COL5A3: variants seen among roughly 807,000 people sequenced by gnomAD.
COL5A3 encodes collagen alpha-3(V) chain.
Under a neutral mutation model 250.0 loss-of-function variants are expected in COL5A3, and 172 were observed. The observed-to-expected ratio is 0.69, with a 90% CI of 0.61 to 0.78. The LOEUF is 0.78. COL5A3 is among the 30% of genes least tolerant of loss of function. The pLI is 0.00. For synonymous variants in COL5A3, 937 were observed against 900.4 expected (o/e 1.04, Z -0.73); for missense variants, 2,340 against 2,334.4 (o/e 1.00, Z -0.05).
chr19:9,975,880 G>A (rs539090677), intron 45 of COL5A3, among the ~76,000 whole-genome samples: 20 of 151,428 alleles, frequency 1.3e-4, no homozygotes, highest in African/African-American at 3.6e-4. Flanking sequence ...CGGTATTGAG[G>A]GAAATACATG....
At chr19:9,961,758 C>T (rs1001372520) in intron 65 of COL5A3, among the ~76,000 whole-genome samples, 8 of 152,024 alleles carry the variant, frequency 5.3e-5, no homozygotes, top group Non-Finnish European at 1.0e-4. Context: ...CGGGGTTTCA[C>T]CATGTTAGCC....
chr19:9,980,060 C>T lies in COL5A3; in HGVS notation c.2605-13G>A, dbSNP rs778256288. The T allele has an allele frequency of 6.3e-6, 10 of 1,594,960 alleles. No homozygotes were observed. In the South Asian group the frequency reaches 1.1e-4, roughly 18 times the overall value. The stretch of plus-strand genomic sequence containing the variant: ...GACCAGGGAGGCCCTGAAATGGAAA[C>T]AGAAATCATGATCTCATCCCCCCTG... On this transcript the variant is annotated splice_polypyrimidine_tract_variant and intron_variant, in intron 35 of 66. Coordinates refer to ENST00000264828, the MANE Select transcript of COL5A3 (RefSeq NM_015719.4).
intron 41 of COL5A3, among the ~76,000 whole-genome samples, chr19:9,977,942 CTATACATATATATATA>C (rs1471800701): frequency 1.1e-5 from 1 of 89,700 alleles, no homozygotes; most frequent in African/African-American, 4.0e-5. Flanking sequence ...TCCTGGCAGC[CTATACATATATATATA>C]TATATATATA....
Position 9,968,063 on chromosome 19 carries a change from A to T in COL5A3, c.4331T>A (p.Ile1444Asn). The change falls in exon 60 of 67, where the codon ATT becomes AAT. Residue 1444 changes from isoleucine to asparagine, a missense_variant. Physicochemically the swap from Ile to Asn is moderately radical, Grantham distance 149. Coordinates refer to ENST00000264828, the MANE Select transcript of COL5A3 (RefSeq NM_015719.4). The surrounding 1 kb of genome is among the most constrained non-coding windows in gnomAD (Gnocchi z 4.1). ...GGGCCCAGGGTGGCCCAGAGAGCCA[A>T]TGGGACCAGGGGGACCCTAGGAAAA... is the stretch of plus-strand genomic sequence containing the variant. Reference protein sequence around the residue: ...PKGDPGPPGPIGSLGHPGPPG... With the variant: ...PKGDPGPPGPNGSLGHPGPPG... 6.3e-7 allele frequency: 1 copy of T among 1,590,646 alleles called. No homozygotes were observed. Among genetic ancestry groups the T allele is most frequent in the South Asian group, 1.2e-5 (1 of 86,766 alleles).
chr19:9,969,942 G>GT lies in COL5A3; in HGVS notation c.3937-21_3937-20insA. The GT allele has an allele frequency of 6.4e-7, 1 of 1,559,178 alleles. No individual in the cohort carries two copies. Among genetic ancestry groups the GT allele is most frequent in the Non-Finnish European group, 8.6e-7 (1 of 1,156,766 alleles). On this transcript the variant is annotated intron_variant, in intron 54 of 66. Transcript: ENST00000264828. ...AGGACCCTTGGAAGGGAAAGACAGT[G>GT]AGGGGGGTCTAGGGGCTGACTGAGG...
Position 9,968,505 on chromosome 19 carries a change from A to G in COL5A3, c.4207-13T>C, listed in dbSNP as rs1423626958. 5 of 1,582,100 alleles carry G rather than the reference A, an allele frequency of 3.2e-6. No individual in the cohort carries two copies. In the Admixed American group the frequency reaches 6.0e-5, roughly 19 times the overall value. ...ATCCAATGTGGCCCTGAAGGACAAA[A>G]GAGGCACAGACAGGGGAGGACGTGG... On this transcript the variant is annotated splice_polypyrimidine_tract_variant and intron_variant, in intron 58 of 66. Coordinates refer to ENST00000264828, the MANE Select transcript of COL5A3 (RefSeq NM_015719.4). This position sits in a 1 kb window ranked among gnomAD's most constrained non-coding sequence, Gnocchi z 4.1.
At chr19:9,987,031 CT>C (rs1228211375) in intron 27 of COL5A3, among the ~76,000 whole-genome samples, 1 of 152,164 alleles carries the variant, frequency 6.6e-6, no homozygotes, top group Non-Finnish European at 1.5e-5. Context: ...ACAGTTCCTT[CT>C]GGCAGGAGAA....
At chr19:9,965,082 T>A (rs553423332) in intron 64 of COL5A3, among the ~76,000 whole-genome samples, 2 of 151,476 alleles carry the variant, frequency 1.3e-5, no homozygotes, top group African/African-American at 4.8e-5. Flanking sequence ...TTCACTGATA[T>A]TTGTTTTTGC....
chr19:9,967,502 C>G, intron 61 of COL5A3, 102 bp from the exon 62 acceptor site: 1 of 766,620 alleles, frequency 1.3e-6, no homozygotes, highest in Non-Finnish European at 2.1e-6. Flanking sequence ...CACTCACACA[C>G]ACACAGTCTC....
intron 31 of COL5A3, among the ~76,000 whole-genome samples, chr19:9,984,701 C>T (rs756904709): frequency 7.2e-5 from 11 of 151,946 alleles, no homozygotes; most frequent in African/African-American, 1.9e-4. Flanking sequence ...TCTGTTTCAC[C>T]GCAGAGAAAA....
At chr19:10,007,075 T>A (rs9797907) in intron 1 of COL5A3, among the ~76,000 whole-genome samples, 8 of 134,292 alleles carry the variant, frequency 6.0e-5, no homozygotes, top group East Asian at 4.6e-4. Flanking sequence ...GACCTCTTCC[T>A]TCTGACTTTC....
intron 31 of COL5A3, among the ~76,000 whole-genome samples, chr19:9,985,281 A>G (rs2145105785): frequency 8.4e-6 from 1 of 119,154 alleles, no homozygotes; most frequent in East Asian, 2.5e-4. Flanking sequence ...TTTTTTTTAG[A>G]TGGAGTTTCG....
chr19:10,006,174 TC>T lies in COL5A3; in HGVS notation c.145del (p.Glu49ArgfsTer45). 1 of 1,609,092 alleles carries T rather than the reference TC, an allele frequency of 6.2e-7. No individual in the cohort carries two copies. Among genetic ancestry groups the T allele is most frequent in the Non-Finnish European group, 8.5e-7 (1 of 1,177,980 alleles). ...GVQGGQAGVP[E>X]GPGFCPQRTP... ...CCTCTGGGGACAGAAGCCAGGCCCC[TC>T]GGGGACCCCAGCCTGGCCTCCCTGC... On this transcript the variant is annotated frameshift_variant, in exon 2 of 67. Coordinates refer to ENST00000264828, the MANE Select transcript of COL5A3 (RefSeq NM_015719.4). LOFTEE classifies it high-confidence loss of function.
intron 1 of COL5A3, 68 bp downstream of exon 1, chr19:10,010,230 A>C (rs1465905102): frequency 2.7e-4 from 150 of 552,462 alleles, no homozygotes; most frequent in South Asian, 7.0e-4. Flanking sequence ...ACCCCCCTCC[A>C]CCCCTCGCTC....
rs1490790016 is a variant in COL5A3 at position 9,967,615 on chromosome 19, T to C, written c.4405-215A>G. 11 of 568,528 alleles carry C rather than the reference T, an allele frequency of 1.9e-5. No individual in the cohort carries two copies. In the East Asian group the frequency reaches 3.5e-4, roughly 18 times the overall value. The allele number at this position is 568,528 out of a possible 1,614,324, so 35.2% of individuals were successfully genotyped here. A position where few individuals can be genotyped will look rare whatever the true frequency, so the allele number is the denominator to read the frequency against. On this transcript the variant is annotated intron_variant, in intron 61 of 66. Transcript: ENST00000264828. Reference sequence around the variant, plus strand: ...ATTAGGCATCAGACACAAATTTTCTTTTCATGTTTTAATGTCTCTGAAATC... The same window carrying C: ...ATTAGGCATCAGACACAAATTTTCTCTTCATGTTTTAATGTCTCTGAAATC...
In COL5A3 at chr19:9,995,590, C is replaced by T; in HGVS notation, c.1561G>A (p.Gly521Arg). 6.2e-7 allele frequency: 1 copy of T among 1,608,090 alleles called. No homozygotes were observed. Among genetic ancestry groups the T allele is most frequent in the Non-Finnish European group, 8.5e-7 (1 of 1,176,718 alleles). ...QGPRGLQGPHGPPGRVGKMGR... is the reference protein window; with the variant it reads ...QGPRGLQGPHRPPGRVGKMGR... ...ATCTTGCCCACTCGGCCAGGGGGTC[C>T]ATGAGGTCCCTGCAGGCCTCGGGGA... Residue 521 changes from glycine (G) to arginine (R), a missense_variant, in exon 16 of 67, where the codon GGA becomes AGA. Gly to Arg is a moderately radical substitution (Grantham distance 125). Around this residue, in one of 3 missense-constraint regions of COL5A3, gnomAD observed 1,152 missense variants for 1,146.3 expected, o/e 1.00. Transcript: ENST00000264828.
At chr19:9,980,780 G>A (rs1349252872) in intron 34 of COL5A3, 26 bp downstream of exon 34, 1 of 1,613,210 alleles carries the variant, frequency 6.2e-7, no homozygotes, top group Middle Eastern at 1.7e-4. Context: ...GGCATGGGGG[G>A]CCTTGATTGC....
intron 27 of COL5A3, 59 bp downstream of exon 27, chr19:9,989,065 C>CA: frequency 6.5e-7 from 1 of 1,545,670 alleles, no homozygotes; most frequent in Non-Finnish European, 8.9e-7. Flanking sequence ...GATGGAGCTG[C>CA]ATCGCATGCC....
chr19:9,960,141 A>C lies in COL5A3; in HGVS notation c.*270T>G. ...TTGCATGGGGGTTCAAGGGGTGGGG[A>C]GGTGAGGCTTGGGTGGGGAGGGAGG... is the stretch of plus-strand genomic sequence containing the variant. On this transcript the variant is annotated 3_prime_UTR_variant, in exon 67 of 67. Transcript: ENST00000264828. 2.9e-6 allele frequency: 1 copy of C among 348,194 alleles called. No individual in the cohort carries two copies. The highest frequency in any genetic ancestry group is 4.8e-6 in the Non-Finnish European group (1 of 207,098). The allele number at this position is 348,194 out of a possible 1,614,324, so 21.6% of individuals were successfully genotyped here.
Sources: gnomAD v4.1 joint callset for allele counts (sites outside exome capture counted in the v4.1 genomes callset) on GRCh38, gnomAD v4.1.1 for gene constraint, gnomAD v4.1.1 regional missense constraint, Gnocchi (gnomAD v3.1) non-coding constraint, MANE v1.5 for transcripts, NCBI Gene and HGNC (gene_info 2026-07-23, HGNC 2026-07-21) for gene names.